Variants in DISC1 observed in about 807,000 individuals in gnomAD.
The protein encoded by DISC1 is DISC1 scaffold protein, also known as disrupted in schizophrenia 1 protein.
Under a neutral mutation model 84.5 loss-of-function variants are expected in DISC1, and 57 were observed. The observed-to-expected ratio is 0.67, with a 90% CI of 0.55 to 0.84. The LOEUF (loss-of-function observed/expected upper bound fraction) is 0.84, where lower values mean the gene tolerates loss of function less well. DISC1 is among the 40% of genes least tolerant of loss of function. DISC1 has a pLI of 0.00. For synonymous variants in DISC1, 411 were observed against 415.2 expected, an observed-to-expected ratio of 0.99 and a Z score of 0.12; for missense variants, 1,000 against 1,057.8, an observed-to-expected ratio of 0.95 and a Z score of 0.76.
At chr1:231,716,086 G>A (rs2068664380) in intron 3 of DISC1, among the ~76,000 whole-genome samples, 1 of 152,146 alleles carries the variant, frequency 6.6e-6, no homozygotes, top group African/African-American at 2.4e-5. Context: ...ACAGTGCCTG[G>A]AGGTATTGAA....
chr1:231,803,915 C>G (rs954375051), intron 8 of DISC1, among the ~76,000 whole-genome samples: 1 of 136,620 alleles, frequency 7.3e-6, no homozygotes, highest in South Asian at 2.4e-4. Flanking sequence ...CCACTACACT[C>G]CAGCCTGGGT....
intron 9 of DISC1, among the ~76,000 whole-genome samples, chr1:231,864,241 AT>A (rs1002245074): frequency 8.6e-5 from 13 of 151,516 alleles, no homozygotes; most frequent in African/African-American, 1.7e-4. Flanking sequence ...AGAAGTTTTC[AT>A]TTTTTTTTCC....
intron 4 of DISC1, among the ~76,000 whole-genome samples, chr1:231,751,770 A>T (rs529176949): frequency 1.3e-5 from 2 of 152,222 alleles, no homozygotes; most frequent in Non-Finnish European, 2.9e-5. Flanking sequence ...AGTGTCTTCA[A>T]TGTTCATCCA....
At chr1:231,853,504 A>T (rs574319061) in intron 9 of DISC1, among the ~76,000 whole-genome samples, 5 of 152,372 alleles carry the variant, frequency 3.3e-5, no homozygotes, top group African/African-American at 1.2e-4. Flanking sequence ...GAAAAGGTAC[A>T]GTAAAAATGT....
intron 3 of DISC1, among the ~76,000 whole-genome samples, chr1:231,749,518 A>G (rs538880764): frequency 2.0e-5 from 3 of 152,300 alleles, no homozygotes; most frequent in Admixed American, 6.5e-5. Flanking sequence ...GCAATTTCTG[A>G]GGAAATGTTA....
chr1:232,020,246 G>A (rs1410483353), intron 11 of DISC1, among the ~76,000 whole-genome samples: 1 of 152,130 alleles, frequency 6.6e-6, no homozygotes, highest in African/African-American at 2.4e-5. Context: ...GGAGGCTGAG[G>A]CAGGAGAATC....
chr1:231,870,707 C>T (rs1349417530), intron 9 of DISC1, among the ~76,000 whole-genome samples: 3 of 152,178 alleles, frequency 2.0e-5, no homozygotes, highest in South Asian at 4.1e-4. Flanking sequence ...GAATGATAGA[C>T]ATATCTTCAC....
chr1:231,949,027 G>A (rs905143262), intron 9 of DISC1, among the ~76,000 whole-genome samples: 2 of 151,842 alleles, frequency 1.3e-5, no homozygotes, highest in Non-Finnish European at 1.5e-5. Flanking sequence ...GTGCCACCAC[G>A]CCCAGCTAAT....
chr1:232,030,539 G>A (rs1669905510), intron 12 of DISC1, among the ~76,000 whole-genome samples: 1 of 152,122 alleles, frequency 6.6e-6, no homozygotes, highest in Non-Finnish European at 1.5e-5. Flanking sequence ...ATGGAATTCT[G>A]TTTCTCTGGT....
chr1:231,701,842 G>T, intron 2 of DISC1, 113 bp from the exon 3 acceptor site: 1 of 845,378 alleles, frequency 1.2e-6, no homozygotes, highest in Non-Finnish European at 1.7e-6. Context: ...TTTTTAAAAA[G>T]AGAATGAAGA....
intron 6 of DISC1, among the ~76,000 whole-genome samples, chr1:231,779,979 A>G (rs953794563): frequency 1.3e-5 from 2 of 151,928 alleles, no homozygotes; most frequent in African/African-American, 4.8e-5. Flanking sequence ...GCAGGCTGTA[A>G]CCCCCTTTTA....
intron 9 of DISC1, among the ~76,000 whole-genome samples, chr1:231,932,679 G>A (rs1313976287): frequency 6.6e-6 from 1 of 152,138 alleles, no homozygotes; most frequent in Non-Finnish European, 1.5e-5. Context: ...TGTGTGACTT[G>A]TAGCCATCCT....
At chr1:231,833,688 G>A (rs540192361) in intron 9 of DISC1, among the ~76,000 whole-genome samples, 1 of 152,344 alleles carries the variant, frequency 6.6e-6, no homozygotes, top group East Asian at 1.9e-4. Flanking sequence ...TCCTGGGGGA[G>A]GCAGGCCTGG....
At chr1:231,981,913 G>C (rs982499801) in intron 10 of DISC1, among the ~76,000 whole-genome samples, 1 of 152,196 alleles carries the variant, frequency 6.6e-6, no homozygotes, top group African/African-American at 2.4e-5. Flanking sequence ...TATTTTAAGT[G>C]TGATGAAACA....
intron 4 of DISC1, among the ~76,000 whole-genome samples, chr1:231,762,233 CTTTTCTTTTCTTTTCTTTTCTTTATTTT>C (rs1413709631): frequency 0.025 from 831 of 33,554 alleles, 11 homozygotes; most frequent in African/African-American, 0.076. Context: ...CTTTTCTTTT[CTTTTCTTTTCTTTTCTTTTCTTTATTTT>C]CTTTCCTTTC....
intron 4 of DISC1, among the ~76,000 whole-genome samples, chr1:231,757,864 C>T (rs890653231): frequency 6.6e-6 from 1 of 152,108 alleles, no homozygotes; most frequent in Non-Finnish European, 1.5e-5. Context: ...TTTGGGTGCC[C>T]TGTGTCCCAA....
chr1:231,717,425 G>T (rs968379285), intron 3 of DISC1, among the ~76,000 whole-genome samples: 1 of 152,142 alleles, frequency 6.6e-6, no homozygotes, highest in Non-Finnish European at 1.5e-5. Context: ...GTATGATCTG[G>T]AGTCTGGAGC....
intron 7 of DISC1, among the ~76,000 whole-genome samples, chr1:231,799,452 G>C (rs1339615264): frequency 6.6e-6 from 1 of 152,084 alleles, no homozygotes; most frequent in Non-Finnish European, 1.5e-5. Flanking sequence ...GAGAGACAAT[G>C]TGGAAACAAA....
chr1:232,009,367 A>G lies in DISC1; in HGVS notation c.2307+318A>G. ...ATACATTATATATGTCATATATAAT[A>G]TAGTTATTATATTCACTATAGATTA... On this transcript the variant is annotated intron_variant, in intron 11 of 12. Coordinates refer to ENST00000439617, the MANE Select transcript of DISC1 (RefSeq NM_018662.3). The surrounding 1 kb of genome is among the most constrained non-coding windows in gnomAD (Gnocchi z 4.6). 3.5e-6 allele frequency: 3 copies of G among 852,236 alleles called. No individual in the cohort carries two copies. The highest frequency in any genetic ancestry group is 4.4e-6 in the Non-Finnish European group (3 of 686,946). 52.8% of individuals were successfully genotyped at this position (852,236 alleles called of 1,614,324 possible). A position where few individuals can be genotyped will look rare whatever the true frequency, so the allele number is the denominator to read the frequency against.
Sources: gnomAD v4.1 joint callset for allele counts (sites outside exome capture counted in the v4.1 genomes callset) on GRCh38, gnomAD v4.1.1 for gene constraint, Gnocchi (gnomAD v3.1) non-coding constraint, MANE v1.5 for transcripts, NCBI Gene and HGNC (gene_info 2026-07-23, HGNC 2026-07-21) for gene names.